The following KCTD20 variants were observed in gnomAD, a reference collection of about 807,000 sequenced individuals.
The protein encoded by KCTD20 is BTB/POZ domain-containing protein KCTD20.
In KCTD20, 30 loss-of-function variants were observed where a neutral mutation model predicts 39.6. That is an observed-to-expected ratio of 0.76 (90% confidence interval 0.57 to 1.03). The LOEUF (loss-of-function observed/expected upper bound fraction) is 1.03. Among genes scored for constraint, KCTD20 ranks in the 50% least tolerant of loss-of-function variants. The pLI, the probability that KCTD20 is intolerant of heterozygous loss-of-function variation, is 0.00. For missense variants in KCTD20, 422 were observed against 522.0 expected, an observed-to-expected ratio of 0.81 and a Z score of 1.87; for synonymous variants, 162 against 180.6, an observed-to-expected ratio of 0.90 and a Z score of 0.83.
At chr6:36,454,486 T>G (rs1013763625) in intron 1 of KCTD20, among the ~76,000 whole-genome samples, 6 of 150,828 alleles carry the variant, frequency 4.0e-5, no homozygotes, top group African/African-American at 1.5e-4. Flanking sequence ...GGACTACAGA[T>G]GCATGCCACC....
rs761698708 is a variant in KCTD20 at position 36,486,995 on chromosome 6, G to A, written c.1080G>A (p.Gly360=). 47 of 1,614,108 alleles carry A rather than the reference G, an allele frequency of 2.9e-5. No individual in the cohort carries two copies. In the East Asian group the frequency reaches 8.7e-4, roughly 30 times the overall value. Residue 360 remains glycine, a synonymous_variant, in exon 8 of 8, where the codon GGG becomes GGA. Transcript: ENST00000373731. ...FIQMSWEKEE[G]KSRHVDFQCV... ...AGATGTCATGGGAAAAGGAAGAAGG[G>A]AAGAGTCGCCATGTGGATTTCCAGT...
Position 36,484,694 on chromosome 6 carries a change from C to T in KCTD20, c.857-20C>T. On this transcript the variant is annotated intron_variant, in intron 6 of 7. Coordinates refer to ENST00000373731, the MANE Select transcript of KCTD20 (RefSeq NM_173562.5). ...TTAGGTCTTTACTCCATGGCTAACC[C>T]TATATTTTTTCTTTTTCAGTTCTTT... The T allele has an allele frequency of 8.4e-7, 1 of 1,188,164 alleles. No individual in the cohort carries two copies. The highest frequency in any genetic ancestry group is 1.9e-5 in the Admixed American group (1 of 51,790). The allele number at this position is 1,188,164 out of a possible 1,614,324, so 73.6% of individuals were successfully genotyped here.
chr6:36,449,997 T>C (rs1324821241), intron 1 of KCTD20, among the ~76,000 whole-genome samples: 2 of 151,788 alleles, frequency 1.3e-5, no homozygotes, highest in Non-Finnish European at 2.9e-5. Context: ...ACTCCGTCTG[T>C]ACTAAAAATA....
intron 5 of KCTD20, 93 bp from the exon 6 acceptor site, chr6:36,481,469 C>T: frequency 1.1e-6 from 1 of 912,384 alleles, no homozygotes; most frequent in South Asian, 1.4e-5. Context: ...TGAACCTCAT[C>T]AATGATAACA....
chr6:36,450,777 C>T (rs1027754516), intron 1 of KCTD20: 3 of 152,138 alleles, frequency 2.0e-5, no homozygotes, highest in African/African-American at 7.2e-5. Context: ...AAGCTCATTT[C>T]TTCTTTAATC....
At chr6:36,453,038 C>T (rs538573716) in intron 1 of KCTD20, among the ~76,000 whole-genome samples, 1 of 122,294 alleles carries the variant, frequency 8.2e-6, no homozygotes, top group East Asian at 2.6e-4. Flanking sequence ...TACAGGGTCT[C>T]ACTCTGTTGC....
intron 7 of KCTD20, among the ~76,000 whole-genome samples, chr6:36,485,889 G>A (rs1776405536): frequency 6.6e-6 from 1 of 151,934 alleles, no homozygotes; most frequent in Non-Finnish European, 1.5e-5. Flanking sequence ...TCTGACTTAA[G>A]TTGAATTTAA....
intron 1 of KCTD20, among the ~76,000 whole-genome samples, chr6:36,449,791 A>G (rs1308721942): frequency 3.3e-5 from 5 of 152,180 alleles, no homozygotes; most frequent in African/African-American, 4.8e-5. Context: ...ATACAGGCAC[A>G]TTCTGAGGAC....
Position 36,479,200 on chromosome 6 carries a change from G to C in KCTD20, c.514G>C (p.Ala172Pro). 2.5e-6 allele frequency: 4 copies of C among 1,613,608 alleles called. No individual in the cohort carries two copies. Among genetic ancestry groups the C allele is most frequent in the Non-Finnish European group, 3.4e-6 (4 of 1,179,518 alleles). Reference sequence around the variant, plus strand: ...GTATGAGATTGCTGAAGGCATCAGTGCAACTGTATTTCGCACAGTGCTGGT... The same window carrying C: ...GTATGAGATTGCTGAAGGCATCAGTCCAACTGTATTTCGCACAGTGCTGGT... ...GEYEIAEGISATVFRTVLDYY... is the reference protein window; with the variant it reads ...GEYEIAEGISPTVFRTVLDYY... Residue 172 changes from alanine (A) to proline (P), a missense_variant, in exon 4 of 8, where the codon GCA (alanine) becomes CCA (proline). Transcript: ENST00000373731.
At chr6:36,476,110 A>C (rs1179026499) in intron 3 of KCTD20, among the ~76,000 whole-genome samples, 1 of 152,222 alleles carries the variant, frequency 6.6e-6, no homozygotes, top group Non-Finnish European at 1.5e-5. Flanking sequence ...CTGTCCAGGA[A>C]GGAGTCTCAG....
rs1042748398 is a variant in KCTD20 at position 36,478,112 on chromosome 6, A to C, written c.435-1009A>C. On this transcript the variant is annotated intron_variant, in intron 3 of 7. Coordinates refer to ENST00000373731, the MANE Select transcript of KCTD20 (RefSeq NM_173562.5). ...TCCATCTCAAAAAAAAAAAGAAAAG[A>C]AAAGCAGCCAGTTCAGGCTGGAGGA... Among the ~76,000 whole-genome samples the C allele has an allele frequency of 5.9e-4, 89 of 151,942 alleles. 1 individual carries two copies. Among genetic ancestry groups the C allele is most frequent in the African/African-American group, 1.9e-3 (79 of 41,436 alleles).
chr6:36,460,127 G>A (rs559464877), intron 1 of KCTD20, among the ~76,000 whole-genome samples: 7 of 152,232 alleles, frequency 4.6e-5, no homozygotes, highest in Admixed American at 1.3e-4. Flanking sequence ...CAGCTTTTTT[G>A]TAGGAGTCGT....
intron 1 of KCTD20, among the ~76,000 whole-genome samples, chr6:36,445,595 A>G (rs1775017071): frequency 6.6e-6 from 1 of 152,200 alleles, no homozygotes; most frequent in Admixed American, 6.5e-5. Flanking sequence ...TTAGAATACC[A>G]CATGATTTTT....
intron 1 of KCTD20, among the ~76,000 whole-genome samples, chr6:36,460,455 C>A (rs1000393935): frequency 6.6e-6 from 1 of 152,148 alleles, no homozygotes; most frequent in African/African-American, 2.4e-5. Flanking sequence ...AGGTGCCCAC[C>A]ATCACACCCA....
chr6:36,452,999 CT>C (rs59865602), intron 1 of KCTD20, among the ~76,000 whole-genome samples: 324 of 58,036 alleles, frequency 5.6e-3, no homozygotes, highest in African/African-American at 0.011. Flanking sequence ...GTTTTCTTAG[CT>C]TTTTTTTTTT....
In KCTD20 at chr6:36,488,276, G is replaced by A. The variant is rs1776485192; in HGVS notation, c.*1101G>A. 1 of 152,134 alleles carries A rather than the reference G, an allele frequency of 6.6e-6. No individual in the cohort carries two copies. Among genetic ancestry groups the A allele is most frequent in the African/African-American group, 2.4e-5 (1 of 41,416 alleles). The allele number at this position is 152,134 out of a possible 1,614,324, so 9.4% of individuals were successfully genotyped here. A position where few individuals can be genotyped will look rare whatever the true frequency, so the allele number is the denominator to read the frequency against. On this transcript the variant is annotated 3_prime_UTR_variant, in exon 8 of 8. Transcript: ENST00000373731. ...TAATAGCTGCTCACACATTGGGTAGGAATATTATACCAATGTCATCCCCAA... is the reference window on the plus strand; with the variant it reads ...TAATAGCTGCTCACACATTGGGTAGAAATATTATACCAATGTCATCCCCAA...
In KCTD20 at chr6:36,489,090, T is replaced by C. The variant is rs544111711; in HGVS notation, c.*1915T>C. The stretch of plus-strand genomic sequence containing the variant: ...CCCACTACCAGTTGACTAGCCCAGA[T>C]AATTGTTAAATGGTGCTTCTTTTCT... On this transcript the variant is annotated 3_prime_UTR_variant, in exon 8 of 8. Coordinates refer to ENST00000373731, the MANE Select transcript of KCTD20 (RefSeq NM_173562.5). 6.5e-6 allele frequency: 1 copy of C among 152,786 alleles called. No homozygotes were observed. Among genetic ancestry groups the C allele is most frequent in the East Asian group, 1.9e-4 (1 of 5,192 alleles). 9.5% of individuals were successfully genotyped at this position (152,786 alleles called of 1,614,324 possible).
chr6:36,460,648 C>T (rs574560820), intron 1 of KCTD20, among the ~76,000 whole-genome samples: 2 of 152,064 alleles, frequency 1.3e-5, no homozygotes, highest in Non-Finnish European at 2.9e-5. Context: ...AAAATCAACC[C>T]CCATCTGGAG....
rs1480693809 is a variant in KCTD20 at position 36,488,933 on chromosome 6, T to C, written c.*1758T>C. 1 of 152,686 alleles carries C rather than the reference T, an allele frequency of 6.5e-6. No homozygotes were observed. Among genetic ancestry groups the C allele is most frequent in the Non-Finnish European group, 1.5e-5 (1 of 68,046 alleles). The allele number at this position is 152,686 out of a possible 1,614,324, so 9.5% of individuals were successfully genotyped here. On this transcript the variant is annotated 3_prime_UTR_variant, in exon 8 of 8. Transcript: ENST00000373731. ...ATCCCCCACCTGATGACTATTGGCATCCATTTGCAAGGCCAATGGCCTGGA... is the reference window on the plus strand; with the variant it reads ...ATCCCCCACCTGATGACTATTGGCACCCATTTGCAAGGCCAATGGCCTGGA...
Sources: gnomAD v4.1 joint callset for allele counts (sites outside exome capture counted in the v4.1 genomes callset) on GRCh38, gnomAD v4.1.1 for gene constraint, MANE v1.5 for transcripts, NCBI Gene and HGNC (gene_info 2026-07-23, HGNC 2026-07-21) for gene names.